Variants in ZC3H13 observed in about 807,000 individuals in gnomAD.
ZC3H13 encodes zinc finger CCCH-type containing 13.
Under a neutral mutation model 204.1 loss-of-function variants are expected in ZC3H13, and 64 were observed. The ratio of observed to expected loss-of-function variants is 0.31; its 90% confidence interval spans 0.26 to 0.39. The LOEUF is 0.39. Ranked by LOEUF, ZC3H13 falls within the 10% of genes least tolerant of loss-of-function variation. The pLI is 1.00. For synonymous variants in ZC3H13, 667 were observed against 693.7 expected, an observed-to-expected ratio of 0.96 and a Z score of 0.60; for missense variants, 1,833 against 2,082.7, an observed-to-expected ratio of 0.88 and a Z score of 2.33.
Position 45,967,606 on chromosome 13 carries a change from G to C in ZC3H13, c.4219C>G (p.Arg1407Gly). ...TCTTTATCCAAGGCTAGAGAGTCTCGGGAAGTGCTTTCTAGATCCCTTTCA... is the reference window on the plus strand; with the variant it reads ...TCTTTATCCAAGGCTAGAGAGTCTCCGGAAGTGCTTTCTAGATCCCTTTCA... ...EHERDLESTS[R>G]DSLALDKERM... Residue 1407 changes from arginine to glycine, a missense_variant, in exon 15 of 19, where the codon CGA becomes GGA. Arg to Gly is a moderately radical substitution (Grantham distance 125). This residue lies in a region of ZC3H13 where 1,574 missense variants were observed against 1,757.2 expected (regional missense o/e 0.90). Coordinates refer to ENST00000679008, the MANE Select transcript of ZC3H13 (RefSeq NM_001330564.2). 6.2e-7 allele frequency: 1 copy of C among 1,613,922 alleles called. No homozygotes were observed. The highest frequency in any genetic ancestry group is 8.5e-7 in the Non-Finnish European group (1 of 1,179,938).
chr13:45,972,738 G>A (rs911650230), intron 12 of ZC3H13, among the ~76,000 whole-genome samples: 3 of 152,054 alleles, frequency 2.0e-5, no homozygotes, highest in Non-Finnish European at 2.9e-5. Context: ...ATCAATAACT[G>A]GCCTATTTCC....
chr13:45,987,535 C>T (rs1251405510), intron 9 of ZC3H13, among the ~76,000 whole-genome samples: 3 of 119,422 alleles, frequency 2.5e-5, no homozygotes, highest in Non-Finnish European at 5.2e-5. Context: ...CAAAATCATA[C>T]ATACAAAAAA....
intron 11 of ZC3H13, among the ~76,000 whole-genome samples, chr13:45,977,098 C>A (rs778860418): frequency 6.6e-6 from 1 of 152,122 alleles, no homozygotes; most frequent in African/African-American, 2.4e-5. Flanking sequence ...AAATTATGGT[C>A]CAGAGTTGTC....
chr13:45,977,934 C>G (rs1446330466), intron 11 of ZC3H13, among the ~76,000 whole-genome samples: 1 of 152,024 alleles, frequency 6.6e-6, no homozygotes, highest in Non-Finnish European at 1.5e-5. Flanking sequence ...TTCATCAGTC[C>G]TTTTCCCTGG....
intron 12 of ZC3H13, among the ~76,000 whole-genome samples, chr13:45,972,844 A>G (rs1490596048): frequency 6.6e-6 from 1 of 152,240 alleles, no homozygotes; most frequent in Non-Finnish European, 1.5e-5. Flanking sequence ...TTGCTGCTTC[A>G]GCTTCTGCCC....
intron 4 of ZC3H13, among the ~76,000 whole-genome samples, chr13:46,029,720 G>A (rs111968842): frequency 0.1 from 15,546 of 151,822 alleles, 1,158 homozygotes; most frequent in Non-Finnish European, 0.16. Context: ...GAGCCACCGC[G>A]CCCGGCCGAG....
Position 45,969,229 on chromosome 13 carries a change from C to T in ZC3H13, c.3315G>A (p.Pro1105=), listed in dbSNP as rs371935060. 20 of 1,613,672 alleles carry T rather than the reference C, an allele frequency of 1.2e-5. No homozygotes were observed. The highest frequency in any genetic ancestry group is 4.5e-5 in the East Asian group (2 of 44,888). Residue 1105 remains proline (P), a synonymous_variant, in exon 14 of 19, where the codon CCG becomes CCA. Coordinates refer to ENST00000679008, the MANE Select transcript of ZC3H13 (RefSeq NM_001330564.2). ...SPLSSLLPPP[P]PVATATATTV... ...TTGTAGCAGTGGCAGTAGCCACAGG[C>T]GGTGGAGGAGGAAGAAGAGAAGATA... is the stretch of plus-strand genomic sequence containing the variant.
chr13:45,995,573 C>T (rs1344748404), intron 8 of ZC3H13, among the ~76,000 whole-genome samples: 1 of 152,230 alleles, frequency 6.6e-6, no homozygotes, highest in Non-Finnish European at 1.5e-5. Context: ...TACACACATA[C>T]ACCCACACCC....
rs200489601 is a variant in ZC3H13, at chr13:45,965,311, C to T, written c.4443G>A (p.Arg1481=). Residue 1481 remains arginine (R), a synonymous_variant, in exon 16 of 19, where the codon AGG becomes AGA. Coordinates refer to ENST00000679008, the MANE Select transcript of ZC3H13 (RefSeq NM_001330564.2). ...DEILAGDAEK[R]EDQQDEEKMP... is the part of the protein sequence containing the mutation. ...TCTTCTCCTCATCCTGTTGGTCCTC[C>T]CTCTTTTCTGCATCACCTGCCAGAA... 1 of 1,613,520 alleles carries T rather than the reference C, an allele frequency of 6.2e-7. No homozygotes were observed. Among genetic ancestry groups the T allele is most frequent in the African/African-American group, 1.3e-5 (1 of 74,986 alleles).
At chr13:45,964,105 T>G in intron 16 of ZC3H13, 63 bp from the exon 17 acceptor site, 2 of 1,434,504 alleles carry the variant, frequency 1.4e-6, no homozygotes, top group South Asian at 2.5e-5. Flanking sequence ...GTTATCTACA[T>G]AGACATTTAC....
chr13:45,955,461 A>C lies in ZC3H13; in HGVS notation c.*1666T>G, dbSNP rs1223118718. The C allele has an allele frequency of 1.3e-5, 2 of 152,230 alleles. No homozygotes were observed. Among genetic ancestry groups the C allele is most frequent in the East Asian group, 1.9e-4 (1 of 5,206 alleles). The allele number at this position is 152,230 out of a possible 1,614,324, so 9.4% of individuals were successfully genotyped here. A position where few individuals can be genotyped will look rare whatever the true frequency, so the allele number is the denominator to read the frequency against. ...GTTTAACTGAATGACAGATTTAACTACATAGTTTTCATTCTATAAATAAAT... is the reference window on the plus strand; with the variant it reads ...GTTTAACTGAATGACAGATTTAACTCCATAGTTTTCATTCTATAAATAAAT... On this transcript the variant is annotated 3_prime_UTR_variant, in exon 19 of 19. Transcript: ENST00000679008.
At chr13:46,032,345 A>C (rs558643377) in intron 4 of ZC3H13, among the ~76,000 whole-genome samples, 23 of 147,928 alleles carry the variant, frequency 1.6e-4, no homozygotes, top group Non-Finnish European at 2.8e-4. Flanking sequence ...AATTTTTAAA[A>C]CAGAGAAGAA....
In ZC3H13 at chr13:45,969,322, G is replaced by T. The variant is rs1166171094; in HGVS notation, c.3222C>A (p.Asp1074Glu). Residue 1074 changes from aspartate to glutamate, a missense_variant, in exon 14 of 19, where the codon GAC (aspartate) becomes GAA (glutamate). Transcript: ENST00000679008. ...GCTCTGCTTCTGTCACCTCTGTACG[G>T]TCAGGGACATCCTCATCAGACCAGT... The part of the protein sequence containing the change: ...FSDWSDEDVP[D>E]RTEVTEAEHT... 2 of 1,613,782 alleles carry T rather than the reference G, an allele frequency of 1.2e-6. No individual in the cohort carries two copies. The highest frequency in any genetic ancestry group is 1.7e-6 in the Non-Finnish European group (2 of 1,180,010).
At chr13:45,982,970 AT>A (rs533734695) in intron 10 of ZC3H13, among the ~76,000 whole-genome samples, 10 of 152,320 alleles carry the variant, frequency 6.6e-5, no homozygotes, top group South Asian at 6.2e-4. Context: ...AAATAAAAAA[AT>A]GATCAAACTA....
chr13:46,048,718 T>C (rs1038615009), intron 1 of ZC3H13, among the ~76,000 whole-genome samples: 4 of 151,426 alleles, frequency 2.6e-5, no homozygotes, highest in East Asian at 1.9e-4. Context: ...AGAGACAAAA[T>C]TGCTTTTACC....
intron 15 of ZC3H13, 70 bp from the exon 16 acceptor site, chr13:45,965,502 G>C: frequency 6.6e-7 from 1 of 1,520,306 alleles, no homozygotes; most frequent in Non-Finnish European, 9.0e-7. Context: ...CAAACCAAAA[G>C]GTAGAGGGTA....
At chr13:45,962,270 T>G in intron 17 of ZC3H13, 9 of 985,398 alleles carry the variant, frequency 9.1e-6, no homozygotes, top group Non-Finnish European at 1.1e-5. Context: ...AGTCTGATTG[T>G]TAAGCCACAT....
intron 1 of ZC3H13, among the ~76,000 whole-genome samples, chr13:46,048,981 G>C (rs1350455054): frequency 6.6e-6 from 1 of 151,860 alleles, no homozygotes; most frequent in East Asian, 1.9e-4. Flanking sequence ...GTGAAACCCC[G>C]TCTCTACTAA....
intron 10 of ZC3H13, among the ~76,000 whole-genome samples, chr13:45,984,617 A>C (rs746276886): frequency 6.6e-6 from 1 of 152,198 alleles, no homozygotes; most frequent in African/African-American, 2.4e-5. Flanking sequence ...CCTCAACACA[A>C]ATATGAAGCT....
Sources: gnomAD v4.1 joint callset for allele counts (sites outside exome capture counted in the v4.1 genomes callset) on GRCh38, gnomAD v4.1.1 for gene constraint, gnomAD v4.1.1 regional missense constraint, MANE v1.5 for transcripts, NCBI Gene and HGNC (gene_info 2026-07-23, HGNC 2026-07-21) for gene names.